BRWD3: variants seen among roughly 807,000 people sequenced by gnomAD.
BRWD3 encodes bromodomain and WD repeat domain containing 3.
In BRWD3, 10 loss-of-function variants were observed where a neutral mutation model predicts 149.7. The observed-to-expected ratio is 0.07, with a 90% CI of 0.04 to 0.11. The LOEUF is 0.11. BRWD3 is among the 10% of genes least tolerant of loss of function. The pLI, the probability that BRWD3 is intolerant of heterozygous loss-of-function variation, is 1.00. For synonymous variants in BRWD3, 504 were observed against 456.7 expected (o/e 1.10, Z -1.32); for missense variants, 940 against 1,373.2 (o/e 0.68, Z 4.99).
intron 12 of BRWD3, 68 bp downstream of exon 12, chrX:80,733,388 T>C (rs2073361150): frequency 1.2e-6 from 1 of 855,336 alleles, no homozygotes; most frequent in Admixed American, 2.3e-5. Flanking sequence ...TAGAAGTAGC[T>C]GCATCTGAGG....
At chrX:80,732,234 C>A (rs2073343967) in intron 12 of BRWD3, among the ~76,000 whole-genome samples, 1 of 112,107 alleles carries the variant, frequency 8.9e-6, no homozygotes, top group Admixed American at 9.5e-5. Context: ...GTATACCAAG[C>A]ATTTTGGATA....
At position 80,734,200 on chromosome X, in the gene BRWD3, G is replaced by A; in HGVS notation, c.1004C>T (p.Thr335Ile). The A allele has an allele frequency of 8.4e-7, 1 of 1,185,869 alleles. No homozygotes were observed. The highest frequency in any genetic ancestry group is 1.1e-6 in the Non-Finnish European group (1 of 872,249). The change falls in exon 11 of 41, where the codon ACT becomes ATT. Residue 335 changes from threonine (T) to isoleucine (I), a missense_variant. Transcript: ENST00000373275. ...SFSSGGMFITTGSTDHVIRIY... is the reference protein window; with the variant it reads ...SFSSGGMFITIGSTDHVIRIY... ...TCTAATCACATGGTCAGTACTACCA[G>A]TTGTAATGAACATACCACCTAGAAG... is the stretch of plus-strand genomic sequence containing the variant.
chrX:80,767,921 T>C (rs896970832), intron 6 of BRWD3, among the ~76,000 whole-genome samples: 3 of 111,843 alleles, frequency 2.7e-5, no homozygotes, highest in African/African-American at 3.3e-5. Context: ...GCATGAGAAC[T>C]ACGTGACGCA....
chrX:80,711,709 T>C (rs748594962), intron 20 of BRWD3, among the ~76,000 whole-genome samples: 1 of 112,474 alleles, frequency 8.9e-6, no homozygotes, highest in East Asian at 2.8e-4. Context: ...TTTCCTTCCA[T>C]TGATTCTAGG....
intron 8 of BRWD3, chrX:80,743,610 C>T (rs1346321726): frequency 6.1e-5 from 7 of 115,264 alleles, no homozygotes; most frequent in Admixed American, 4.6e-4. Flanking sequence ...CAAGTTCTTC[C>T]TGGTTTTGTC....
chrX:80,807,536 G>A (rs776568323), intron 4 of BRWD3, among the ~76,000 whole-genome samples: 59 of 111,895 alleles, frequency 5.3e-4, no homozygotes, highest in African/African-American at 1.8e-3. Flanking sequence ...AGGAAAGATA[G>A]CTGAATTTAG....
At chrX:80,766,861 C>G (rs73227323) in intron 6 of BRWD3, among the ~76,000 whole-genome samples, 9,470 of 111,862 alleles carry the variant, frequency 0.085, 377 homozygotes, top group South Asian at 0.19. Flanking sequence ...TCCTAGCCAA[C>G]GGAAGCCTTG....
chrX:80,743,108 G>A (rs150712224), intron 8 of BRWD3, among the ~76,000 whole-genome samples: 3,847 of 111,687 alleles, frequency 0.034, 79 homozygotes, highest in South Asian at 0.16. Flanking sequence ...AGCATGAAGC[G>A]TTGTTGAATT....
At chrX:80,727,041 TG>T in intron 14 of BRWD3, among the ~76,000 whole-genome samples, 1 of 109,935 alleles carries the variant, frequency 9.1e-6, no homozygotes, top group South Asian at 3.9e-4. Flanking sequence ...TTGGGTCACA[TG>T]CCTTAGGAGA....
chrX:80,714,673 C>T (rs1446943132), intron 20 of BRWD3, among the ~76,000 whole-genome samples: 1 of 111,945 alleles, frequency 8.9e-6, no homozygotes, highest in Non-Finnish European at 1.9e-5. Flanking sequence ...GGCTGTGCCA[C>T]GGACCATTGG....
intron 14 of BRWD3, 76 bp from the exon 15 acceptor site, chrX:80,725,143 G>A: frequency 9.7e-7 from 1 of 1,033,157 alleles, no homozygotes; most frequent in African/African-American, 1.8e-5. Flanking sequence ...TCTTCAGTGT[G>A]CTATCAGTTA....
intron 16 of BRWD3, 43 bp from the exon 17 acceptor site, chrX:80,722,830 T>G (rs771399121): frequency 9.5e-7 from 1 of 1,055,364 alleles, no homozygotes; most frequent in Non-Finnish European, 1.3e-6. Flanking sequence ...ACAGGGAATT[T>G]ATAAGTAAAT....
At chrX:80,754,410 A>G (rs1463947447) in intron 6 of BRWD3, among the ~76,000 whole-genome samples, 1 of 111,697 alleles carries the variant, frequency 9.0e-6, no homozygotes, top group Non-Finnish European at 1.9e-5. Context: ...CCTTTGGAGG[A>G]GTCTTTAGAA....
At chrX:80,732,613 T>G (rs2073348822) in intron 12 of BRWD3, among the ~76,000 whole-genome samples, 1 of 109,632 alleles carries the variant, frequency 9.1e-6, no homozygotes, top group Non-Finnish European at 1.9e-5. Context: ...TAGGGGAAGG[T>G]AGGAAGTGGC....
chrX:80,685,442 T>G lies in BRWD3; in HGVS notation c.4080+20A>C, dbSNP rs1355949731. On this transcript the variant is annotated intron_variant, in intron 36 of 40. Coordinates refer to ENST00000373275, the MANE Select transcript of BRWD3 (RefSeq NM_153252.5). ...AAGTAAAAACAATCAATATGTCTTTTAAGAGACTACCAGGCCTACCTCAGA... is the reference window on the plus strand; with the variant it reads ...AAGTAAAAACAATCAATATGTCTTTGAAGAGACTACCAGGCCTACCTCAGA... 1.7e-6 allele frequency: 2 copies of G among 1,173,690 alleles called. No individual in the cohort carries two copies. Among genetic ancestry groups the G allele is most frequent in the Non-Finnish European group, 2.3e-6 (2 of 861,684 alleles).
intron 6 of BRWD3, among the ~76,000 whole-genome samples, chrX:80,764,367 G>A (rs1037563797): frequency 9.0e-6 from 1 of 111,591 alleles, no homozygotes; most frequent in African/African-American, 3.3e-5. Context: ...GTGCAGTGGC[G>A]CAACCTTGGC....
chrX:80,773,992 T>C (rs997686425), intron 6 of BRWD3, among the ~76,000 whole-genome samples: 1 of 112,222 alleles, frequency 8.9e-6, no homozygotes, highest in Non-Finnish European at 1.9e-5. Context: ...TTCACGTATT[T>C]GCTGAATTGA....
intron 14 of BRWD3, among the ~76,000 whole-genome samples, chrX:80,727,822 C>T (rs1370724891): frequency 2.7e-5 from 3 of 111,131 alleles, no homozygotes; most frequent in Non-Finnish European, 5.7e-5. Context: ...ATTTGGTTAC[C>T]CTGTTAGAAG....
rs1371699918 is a variant in BRWD3, at chrX:80,719,606, C to A, written c.1927G>T (p.Asp643Tyr). 1 of 1,208,708 alleles carries A rather than the reference C, an allele frequency of 8.3e-7. No homozygotes were observed. Among genetic ancestry groups the A allele is most frequent in the Non-Finnish European group, 1.1e-6 (1 of 894,600 alleles). The change falls in exon 18 of 41, where the codon GAT becomes TAT. Residue 643 changes from aspartate to tyrosine, a missense_variant. Physicochemically the swap from Asp to Tyr is radical, Grantham distance 160 (BLOSUM62 -3). Coordinates refer to ENST00000373275, the MANE Select transcript of BRWD3 (RefSeq NM_153252.5). ...ATTATTCCATCAAGAATGCTCTCATCTTGGTCATTGGTTTGCTGCCCAATT... is the reference window on the plus strand; with the variant it reads ...ATTATTCCATCAAGAATGCTCTCATATTGGTCATTGGTTTGCTGCCCAATT... The part of the protein sequence containing the change: ...QVIGQQTNDQ[D>Y]ESILDGIIRE...
Sources: allele counts gnomAD v4.1 joint callset (sites outside exome capture counted in the v4.1 genomes callset), GRCh38; gene constraint gnomAD v4.1.1; transcripts MANE v1.5; gene names NCBI Gene and HGNC (gene_info 2026-07-23, HGNC 2026-07-21).